Variants in PSPC1 observed in about 807,000 individuals in gnomAD.
The protein encoded by PSPC1 is paraspeckle protein 1.
Under a neutral mutation model 51.6 loss-of-function variants are expected in PSPC1, and 14 were observed. That is an observed-to-expected ratio of 0.27 (90% CI 0.18 to 0.42). The LOEUF (loss-of-function observed/expected upper bound fraction) is 0.42. Among genes scored for constraint, PSPC1 ranks in the 10% least tolerant of loss-of-function variants. The pLI, the probability that PSPC1 is intolerant of heterozygous loss-of-function variation, is 1.00. For missense variants in PSPC1, 406 were observed against 701.1 expected (o/e 0.58, Z 4.75); for synonymous variants, 193 against 231.9 (o/e 0.83, Z 1.53).
At chr13:19,704,432 T>C (rs1347672356) in intron 8 of PSPC1, among the ~76,000 whole-genome samples, 1 of 152,298 alleles carries the variant, frequency 6.6e-6, no homozygotes, top group African/African-American at 2.4e-5. Flanking sequence ...AGACATACAA[T>C]GCATTGCTTT....
chr13:19,724,630 G>A (rs918624072), intron 6 of PSPC1, among the ~76,000 whole-genome samples: 9 of 152,160 alleles, frequency 5.9e-5, no homozygotes, highest in East Asian at 1.9e-4. Flanking sequence ...CAAGGTGGGC[G>A]GGTCACGAGG....
chr13:19,745,255 G>A (rs1429648739), intron 4 of PSPC1, among the ~76,000 whole-genome samples: 2 of 152,136 alleles, frequency 1.3e-5, no homozygotes, highest in Non-Finnish European at 2.9e-5. Flanking sequence ...GGAGGCACAG[G>A]TTGCAGTGAG....
At chr13:19,707,563 T>C (rs1022083030) in intron 7 of PSPC1, among the ~76,000 whole-genome samples, 21 of 152,148 alleles carry the variant, frequency 1.4e-4, no homozygotes, top group African/African-American at 5.1e-4. Flanking sequence ...AGTCTCACAT[T>C]GAATGAAGAC....
At chr13:19,770,442 T>C (rs544592031) in intron 2 of PSPC1, among the ~76,000 whole-genome samples, 37 of 152,150 alleles carry the variant, frequency 2.4e-4, no homozygotes, top group African/African-American at 7.7e-4. Flanking sequence ...GGTGGATTAC[T>C]TGAGGTCAGG....
At chr13:19,721,317 A>T (rs1473591986) in intron 6 of PSPC1, among the ~76,000 whole-genome samples, 3 of 152,200 alleles carry the variant, frequency 2.0e-5, no homozygotes, top group African/African-American at 7.2e-5. Context: ...ACACTAGACA[A>T]TGCACAAGAT....
intron 6 of PSPC1, among the ~76,000 whole-genome samples, chr13:19,720,136 C>CT (rs1882584869): frequency 6.6e-6 from 1 of 151,932 alleles, no homozygotes; most frequent in African/African-American, 2.4e-5. Context: ...CCCAGAACTC[C>CT]TAAAAAAAAC....
chr13:19,699,845 A>G (rs951786186), downstream of PSPC1, among the ~76,000 whole-genome samples: 1 of 152,046 alleles, frequency 6.6e-6, no homozygotes, highest in Non-Finnish European at 1.5e-5. Context: ...CTGACTTTTT[A>G]TATCACTGCT....
At chr13:19,750,794 A>G (rs1886466171) in intron 4 of PSPC1, among the ~76,000 whole-genome samples, 1 of 1,230 alleles carries the variant, frequency 8.1e-4, no homozygotes, top group African/African-American at 1.1e-3. Flanking sequence ...TTTTTGAGAC[A>G]GTTTTGCTCT....
intron 6 of PSPC1, among the ~76,000 whole-genome samples, chr13:19,725,396 G>T (rs1476276114): frequency 6.6e-6 from 1 of 152,088 alleles, no homozygotes; most frequent in African/African-American, 2.4e-5. Flanking sequence ...TAAATGAATA[G>T]ATTTGCATTA....
chr13:19,717,729 G>C (rs1036747612), intron 6 of PSPC1, among the ~76,000 whole-genome samples: 1 of 123,928 alleles, frequency 8.1e-6, no homozygotes, highest in African/African-American at 3.0e-5. Flanking sequence ...AAAAAAAAAA[G>C]TTAGCCGGGC....
At chr13:19,756,661 G>A (rs1043180493) in intron 3 of PSPC1, among the ~76,000 whole-genome samples, 3 of 150,296 alleles carry the variant, frequency 2.0e-5, no homozygotes, top group Non-Finnish European at 4.4e-5. Flanking sequence ...CACCACACCC[G>A]GCTGATTTTT....
intron 2 of PSPC1, among the ~76,000 whole-genome samples, chr13:19,760,981 C>A (rs1439563230): frequency 6.6e-6 from 1 of 151,526 alleles, no homozygotes; most frequent in African/African-American, 2.4e-5. Flanking sequence ...GAGTGAAACT[C>A]CGTCTCAAAT....
intron 5 of PSPC1, among the ~76,000 whole-genome samples, chr13:19,730,701 T>C (rs189803049): frequency 6.6e-6 from 1 of 152,228 alleles, no homozygotes; most frequent in African/African-American, 2.4e-5. Flanking sequence ...CTCACACCTG[T>C]AATCCCAGCA....
intron 6 of PSPC1, among the ~76,000 whole-genome samples, chr13:19,682,834 G>A (rs565008598): frequency 9.2e-5 from 14 of 152,038 alleles, no homozygotes; most frequent in Admixed American, 3.9e-4. Context: ...GGCCGAGGTG[G>A]GAGAATCACT....
intron 6 of PSPC1, among the ~76,000 whole-genome samples, chr13:19,696,155 T>C (rs1222623967): frequency 2.0e-5 from 3 of 152,292 alleles, no homozygotes; most frequent in Non-Finnish European, 4.4e-5. Flanking sequence ...GGCTGATTCA[T>C]GTGGAAAACT....
chr13:19,730,967 A>AAAAAAC (rs1884015943), intron 5 of PSPC1, among the ~76,000 whole-genome samples: 2 of 140,454 alleles, frequency 1.4e-5, no homozygotes, highest in Admixed American at 7.2e-5. Context: ...CAAAAAAACA[A>AAAAAAC]AAAAAAAAAA....
At chr13:19,736,497 C>A (rs564073438) in intron 5 of PSPC1, among the ~76,000 whole-genome samples, 2 of 151,666 alleles carry the variant, frequency 1.3e-5, no homozygotes, top group Non-Finnish European at 2.9e-5. Flanking sequence ...TCCTGGCTAA[C>A]ACAGTGAAAC....
At chr13:19,691,328 C>T (rs969728754) in intron 6 of PSPC1, among the ~76,000 whole-genome samples, 2 of 152,104 alleles carry the variant, frequency 1.3e-5, no homozygotes, top group Admixed American at 6.5e-5. Context: ...TGAGACCAGC[C>T]TGGGAGCCTG....
At chr13:19,767,673 ATC>A (rs1888203968) in intron 2 of PSPC1, among the ~76,000 whole-genome samples, 1 of 152,138 alleles carries the variant, frequency 6.6e-6, no homozygotes, top group African/African-American at 2.4e-5. Flanking sequence ...CAAAGGGGAA[ATC>A]ATAAATTTTT....
Sources: allele counts gnomAD v4.1 joint callset (sites outside exome capture counted in the v4.1 genomes callset), GRCh38; gene constraint gnomAD v4.1.1; transcripts MANE v1.5; gene names NCBI Gene and HGNC (gene_info 2026-07-23, HGNC 2026-07-21).